AOX1: variants seen among roughly 807,000 people sequenced by gnomAD.
AOX1 encodes aldehyde oxidase.
Under a neutral mutation model 169.5 loss-of-function variants are expected in AOX1, and 153 were observed. The ratio of observed to expected loss-of-function variants is 0.90; its 90% CI spans 0.79 to 1.03. The LOEUF is 1.03. Ranked by LOEUF, AOX1 falls within the 50% of genes least tolerant of loss-of-function variation. The pLI is 0.00. For synonymous variants in AOX1, 562 were observed against 581.9 expected (o/e 0.97, Z 0.49); for missense variants, 1,656 against 1,663.9 (o/e 1.00, Z 0.08).
chr2:200,659,782 TCTCTCACACACA>T (rs140769855), intron 28 of AOX1, among the ~76,000 whole-genome samples: 15,665 of 134,652 alleles, frequency 0.12, 1,650 homozygotes, highest in East Asian at 0.58. Context: ...GCCAGTTCTC[TCTCTCACACACA>T]CACACACACA....
Position 200,597,456 on chromosome 2 carries a change from C to A in AOX1, c.260C>A (p.Thr87Asn). ...TGTTCTCTGTATGGTGCTGCCGTCA[C>A]CACAGTAGAAGGCATAGGAAGCACC... Reference protein sequence around the residue: ...PICSLYGAAVTTVEGIGSTHT... With the variant: ...PICSLYGAAVNTVEGIGSTHT... Residue 87 changes from threonine to asparagine, a missense_variant, in exon 4 of 35, where the codon ACC becomes AAC. By Grantham distance (65) the Thr-to-Asn change is moderately conservative (BLOSUM62 0). Transcript: ENST00000374700. 2.5e-6 allele frequency: 4 copies of A among 1,612,768 alleles called. No homozygotes were observed. Among genetic ancestry groups the A allele is most frequent in the Non-Finnish European group, 2.5e-6 (3 of 1,179,406 alleles).
chr2:200,613,994 C>T (rs750925351), intron 15 of AOX1, 28 bp downstream of exon 15: 56 of 1,606,490 alleles, frequency 3.5e-5, no homozygotes, highest in Middle Eastern at 2.3e-4. Flanking sequence ...CATTAACTTC[C>T]CCAGTACTGG....
chr2:200,618,329 T>C (rs1406312016), intron 16 of AOX1, among the ~76,000 whole-genome samples: 1 of 152,194 alleles, frequency 6.6e-6, no homozygotes, highest in East Asian at 1.9e-4. Context: ...AAAAGAAATA[T>C]GAAATTAGAA....
At chr2:200,610,025 A>G (rs1168498950) in intron 12 of AOX1, among the ~76,000 whole-genome samples, 1 of 151,576 alleles carries the variant, frequency 6.6e-6, no homozygotes, top group Non-Finnish European at 1.5e-5. Flanking sequence ...GTTTTCTATC[A>G]TCTGCATTGT....
At chr2:200,597,365 T>C (rs1472717786) in intron 3 of AOX1, 32 bp from the exon 4 acceptor site, 1 of 1,515,804 alleles carries the variant, frequency 6.6e-7, no homozygotes, top group Non-Finnish European at 9.1e-7. Flanking sequence ...CGACATAATT[T>C]GTAATTTGTG....
downstream of AOX1, chr2:200,671,540 G>C (rs890926351): frequency 2.0e-5 from 3 of 152,148 alleles, no homozygotes; most frequent in African/African-American, 7.2e-5. Flanking sequence ...TAAATGGCTA[G>C]TAAGCATTAA....
intron 20 of AOX1, among the ~76,000 whole-genome samples, chr2:200,630,208 T>C (rs1311353061): frequency 1.0e-5 from 1 of 98,708 alleles, no homozygotes. Context: ...ACTCCTTCTA[T>C]TTAAAAAAAA....
At chr2:200,669,525 T>C (rs1196219281) in intron 33 of AOX1, 50 bp from the exon 34 acceptor site, 4 of 1,591,874 alleles carry the variant, frequency 2.5e-6, no homozygotes, top group South Asian at 2.2e-5. Context: ...TGCACATATA[T>C]ACAGAGTGAG....
At chr2:200,664,848 G>A (rs948091671) in intron 31 of AOX1, among the ~76,000 whole-genome samples, 1 of 152,234 alleles carries the variant, frequency 6.6e-6, no homozygotes, top group African/African-American at 2.4e-5. Context: ...CAAACTTAGT[G>A]CTGAAAACAG....
intron 27 of AOX1, among the ~76,000 whole-genome samples, chr2:200,657,190 A>ATATATATAT: frequency 3.3e-4 from 21 of 62,878 alleles, no homozygotes; most frequent in South Asian, 1.3e-3. Flanking sequence ...ATATATATAT[A>ATATATATAT]TTTTTTTTTT....
chr2:200,591,923 A>T (rs2034181608), intron 1 of AOX1, among the ~76,000 whole-genome samples: 1 of 152,118 alleles, frequency 6.6e-6, no homozygotes, highest in Non-Finnish European at 1.5e-5. Flanking sequence ...TTAGAGGAAC[A>T]TTGGAAGCCC....
Position 200,637,000 on chromosome 2 carries a change from A to G in AOX1, c.2436A>G (p.Leu812=), listed in dbSNP as rs1226899268. The G allele has an allele frequency of 6.2e-7, 1 of 1,614,024 alleles. No individual in the cohort carries two copies. Among genetic ancestry groups the G allele is most frequent in the African/African-American group, 1.3e-5 (1 of 74,942 alleles). ...GTGGAGCGTTTGGAGGGAAGGTGTT[A>G]AAAACCGGAATCATTGCAGCCGTCA... is the stretch of plus-strand genomic sequence containing the variant. ...RVGGAFGGKV[L]KTGIIAAVTA... is the part of the protein sequence containing the mutation. The change falls in exon 22 of 35, where the codon TTA becomes TTG. Residue 812 remains leucine, a synonymous_variant. Coordinates refer to ENST00000374700, the MANE Select transcript of AOX1 (RefSeq NM_001159.4).
rs1013556435 is a variant in AOX1 at position 200,637,904 on chromosome 2, C to T, written c.2481-311C>T. 9.2e-5 allele frequency among the ~76,000 whole-genome samples: 14 copies of T among 152,282 alleles called. 1 individual carries two copies. Among genetic ancestry groups the T allele is most frequent in the Non-Finnish European group, 1.5e-4 (10 of 68,022 alleles). On this transcript the variant is annotated intron_variant, in intron 22 of 34. Transcript: ENST00000374700. ...CTTCCATTTGTGGCCAGTCTAAAGACCTTGGGACGATTTGCCTATAATAAA... is the reference window on the plus strand; with the variant it reads ...CTTCCATTTGTGGCCAGTCTAAAGATCTTGGGACGATTTGCCTATAATAAA...
chr2:200,657,224 G>A (rs2105765241), intron 27 of AOX1, among the ~76,000 whole-genome samples: 1 of 128,676 alleles, frequency 7.8e-6, no homozygotes, highest in African/African-American at 3.1e-5. Context: ...GGGCATGGTG[G>A]CATGAGCCTG....
At chr2:200,627,478 C>A in intron 20 of AOX1, 29 bp downstream of exon 20, 1 of 1,488,478 alleles carries the variant, frequency 6.7e-7, no homozygotes, top group Non-Finnish European at 9.4e-7. Flanking sequence ...GTAAACAACC[C>A]TGGAAGTCTT....
intron 32 of AOX1, among the ~76,000 whole-genome samples, chr2:200,667,112 T>C (rs1164477576): frequency 1.3e-5 from 2 of 152,136 alleles, no homozygotes; most frequent in Non-Finnish European, 2.9e-5. Context: ...TGAAGTCGTG[T>C]TGGGATAACA....
intron 1 of AOX1, among the ~76,000 whole-genome samples, chr2:200,590,820 G>T (rs1177651540): frequency 3.9e-5 from 6 of 152,182 alleles, no homozygotes; most frequent in Non-Finnish European, 2.9e-5. Flanking sequence ...AACAGACATT[G>T]TGAGGTTGGG....
chr2:200,672,980 C>T (rs541770959), downstream of AOX1, among the ~76,000 whole-genome samples: 25 of 152,240 alleles, frequency 1.6e-4, no homozygotes, highest in African/African-American at 5.8e-4. Context: ...ACCTGGAGGC[C>T]GCTATAAGGA....
chr2:200,656,587 T>G (rs1242611510), intron 26 of AOX1, among the ~76,000 whole-genome samples: 1 of 152,128 alleles, frequency 6.6e-6, no homozygotes, highest in African/African-American at 2.4e-5. Context: ...TTCTGGGACA[T>G]GCCTACAACT....
Sources: allele counts gnomAD v4.1 joint callset (sites outside exome capture counted in the v4.1 genomes callset), GRCh38; gene constraint gnomAD v4.1.1; transcripts MANE v1.5; gene names NCBI Gene and HGNC (gene_info 2026-07-23, HGNC 2026-07-21).